The following MRPL21 variants were observed in gnomAD, a reference collection of about 807,000 sequenced individuals.
The protein encoded by MRPL21 is large ribosomal subunit protein bL21m.
Under a neutral mutation model 27.3 loss-of-function variants are expected in MRPL21, and 20 were observed. That is an observed-to-expected ratio of 0.73 (90% CI 0.52 to 1.06). The LOEUF (loss-of-function observed/expected upper bound fraction) is 1.06. MRPL21 is among the 50% of genes least tolerant of loss of function. The pLI is 0.00. For synonymous variants in MRPL21, 98 were observed against 101.5 expected, an observed-to-expected ratio of 0.97 and a Z score of 0.21; for missense variants, 249 against 251.4, an observed-to-expected ratio of 0.99 and a Z score of 0.06.
At chr11:68,903,465 C>T (rs1332136460) in intron 1 of MRPL21, among the ~76,000 whole-genome samples, 2 of 152,214 alleles carry the variant, frequency 1.3e-5, no homozygotes, top group African/African-American at 4.8e-5. Flanking sequence ...CGTTACCTAG[C>T]TCCTCTGAGC....
At chr11:68,903,572 G>C (rs539796286) in intron 1 of MRPL21, 151 bp downstream of exon 1, 1 of 758,734 alleles carries the variant, frequency 1.3e-6, no homozygotes, top group African/African-American at 1.7e-5. Flanking sequence ...ATCTGAACCT[G>C]GGTTCCCCCG....
chr11:68,896,734 G>T, intron 3 of MRPL21, 56 bp from the exon 4 acceptor site: 1 of 1,602,094 alleles, frequency 6.2e-7, no homozygotes, highest in Non-Finnish European at 8.5e-7. Context: ...CCCACGCGCT[G>T]CAGTGTGATG....
Position 68,893,199 on chromosome 11 carries a change from G to A in MRPL21, c.449+204C>T, listed in dbSNP as rs981429731. On this transcript the variant is annotated intron_variant, in intron 5 of 6. Transcript: ENST00000362034. ...GAACAAATCTTCAGAGGACCACACT[G>A]TCATGAAACAGCAAGAGACCAATAA... 5.9e-6 allele frequency: 8 copies of A among 1,363,172 alleles called. No homozygotes were observed. In the East Asian group the frequency reaches 1.8e-4, roughly 30 times the overall value. The allele number at this position is 1,363,172 out of a possible 1,614,324, so 84.4% of individuals were successfully genotyped here.
At chr11:68,897,872 C>G (rs181037804) in intron 3 of MRPL21, 55 bp downstream of exon 3, 910 of 1,381,788 alleles carry the variant, frequency 6.6e-4, no homozygotes, top group Non-Finnish European at 6.8e-4. Flanking sequence ...CTGTGGCTGA[C>G]TGGAGCAGGG....
At chr11:68,897,230 C>T (rs575451426) in intron 3 of MRPL21, among the ~76,000 whole-genome samples, 1 of 152,264 alleles carries the variant, frequency 6.6e-6, no homozygotes, top group South Asian at 2.1e-4. Flanking sequence ...CTGCTCTGAC[C>T]CAGGTCACAG....
chr11:68,893,492 A>G (rs1468732062), intron 4 of MRPL21, 37 bp from the exon 5 acceptor site: 1 of 1,613,846 alleles, frequency 6.2e-7, no homozygotes, highest in African/African-American at 1.3e-5. Context: ...TCAGTGGCTC[A>G]TTACGATGAG....
At chr11:68,902,988 G>A (rs546663640) in intron 1 of MRPL21, among the ~76,000 whole-genome samples, 1 of 152,202 alleles carries the variant, frequency 6.6e-6, no homozygotes, top group South Asian at 2.1e-4. Context: ...TTTTATTGCT[G>A]CATAATATTC....
chr11:68,894,403 C>T (rs1594403796), intron 4 of MRPL21, among the ~76,000 whole-genome samples: 1 of 152,158 alleles, frequency 6.6e-6, no homozygotes, highest in Admixed American at 6.5e-5. Context: ...GCCTCAGCCC[C>T]CTGAGTAGCT....
In MRPL21 at chr11:68,893,383, C is replaced by A. The variant is rs202206192; in HGVS notation, c.449+20G>T. ...CAGCCCTGGAGCCCCAGACAAAGCC[C>A]AGCACTTCACAGCCATTACCCGAGG... On this transcript the variant is annotated intron_variant, in intron 5 of 6. Transcript: ENST00000362034. 1 of 1,614,192 alleles carries A rather than the reference C, an allele frequency of 6.2e-7. No individual in the cohort carries two copies. The highest frequency in any genetic ancestry group is 1.3e-5 in the African/African-American group (1 of 75,054).
chr11:68,896,354 C>A, intron 4 of MRPL21, 161 bp downstream of exon 4: 4 of 900,356 alleles, frequency 4.4e-6, no homozygotes, highest in Non-Finnish European at 5.1e-6. Flanking sequence ...GACCCCAGCC[C>A]CGCCGTGGGC....
intron 1 of MRPL21, among the ~76,000 whole-genome samples, chr11:68,902,406 G>A (rs571793301): frequency 3.3e-5 from 5 of 152,312 alleles, no homozygotes; most frequent in Non-Finnish European, 7.4e-5. Flanking sequence ...TCCCTTTCCA[G>A]GTTCAACAGT....
intron 6 of MRPL21, chr11:68,891,922 C>T (rs897487323): frequency 2.8e-5 from 15 of 544,638 alleles, no homozygotes; most frequent in Non-Finnish European, 4.2e-5. Flanking sequence ...TGCCATCCCT[C>T]AGGATGCCCA....
intron 3 of MRPL21, 81 bp from the exon 4 acceptor site, chr11:68,896,759 G>T: frequency 6.4e-7 from 1 of 1,572,462 alleles, no homozygotes. Flanking sequence ...GCTCCTGGTG[G>T]TGGGGCCCTA....
chr11:68,893,148 C>T (rs1336892935), intron 5 of MRPL21, among the ~76,000 whole-genome samples, 155 bp from the exon 6 acceptor site: 2 of 152,112 alleles, frequency 1.3e-5, no homozygotes, highest in African/African-American at 2.4e-5. Context: ...CGAAAAAGGA[C>T]CACAAAGAAC....
chr11:68,896,544 C>G lies in MRPL21; in HGVS notation c.367G>C (p.Ala123Pro). 6.2e-7 allele frequency: 1 copy of G among 1,614,256 alleles called. No individual in the cohort carries two copies. Among genetic ancestry groups the G allele is most frequent in the Non-Finnish European group, 8.5e-7 (1 of 1,180,048 alleles). The stretch of plus-strand genomic sequence containing the variant: ...TCCAGTCGAATTCTCTCTCCACACG[C>G]AAGGTCTAGTTCATTTCCAATTAAG... ...LILIGNELDL[A>P]CGERIRLEKV... The change falls in exon 4 of 7, where the codon GCG (alanine) becomes CCG (proline). Residue 123 changes from alanine (A) to proline (P), a missense_variant. Physicochemically the swap from Ala to Pro is conservative, Grantham distance 27. Coordinates refer to ENST00000362034, the MANE Select transcript of MRPL21 (RefSeq NM_181514.2).
rs1193095860 is a variant in MRPL21, at chr11:68,893,320, A to G, written c.449+83T>C. On this transcript the variant is annotated intron_variant, in intron 5 of 6. Coordinates refer to ENST00000362034, the MANE Select transcript of MRPL21 (RefSeq NM_181514.2). ...ACAAAGAATATGAATGCAACTCCCC[A>G]CCTGGCCTAATTGCACTGTGACCAC... 1.9e-6 allele frequency: 3 copies of G among 1,596,788 alleles called. No individual in the cohort carries two copies. The African/African-American group carries it at 4.0e-5, about 21-fold the overall frequency.
intron 1 of MRPL21, among the ~76,000 whole-genome samples, chr11:68,900,936 GGCCCC>G (rs1455868372): frequency 6.6e-6 from 1 of 152,206 alleles, no homozygotes; most frequent in Non-Finnish European, 1.5e-5. Flanking sequence ...GGCCCTGCTG[GGCCCC>G]GCCTCCTGCT....
chr11:68,896,515 C>A lies in MRPL21; in HGVS notation c.396G>T (p.Lys132Asn), dbSNP rs1594405221. 2 of 1,613,992 alleles carry A rather than the reference C, an allele frequency of 1.2e-6. No homozygotes were observed. The highest frequency in any genetic ancestry group is 4.5e-5 in the East Asian group (2 of 44,880). Residue 132 changes from lysine (K) to asparagine (N), a missense_variant and splice_region_variant, in exon 4 of 7, where the codon AAG becomes AAT. By Grantham distance (94) the Lys-to-Asn change is moderately conservative (BLOSUM62 0). Coordinates refer to ENST00000362034, the MANE Select transcript of MRPL21 (RefSeq NM_181514.2). ...ATCCAGAGAAGCTCGGTGGTCTCAC[C>A]TTCTCCAGTCGAATTCTCTCTCCAC... The part of the protein sequence containing the change: ...LACGERIRLE[K>N]VLLVGADNFT...
chr11:68,903,099 C>T (rs1219255639), intron 1 of MRPL21, among the ~76,000 whole-genome samples: 4 of 152,136 alleles, frequency 2.6e-5, no homozygotes, highest in Admixed American at 6.5e-5. Context: ...CTTTTAATAT[C>T]GTCCAATATA....
Sources: gnomAD v4.1 joint callset for allele counts (sites outside exome capture counted in the v4.1 genomes callset) on GRCh38, gnomAD v4.1.1 for gene constraint, MANE v1.5 for transcripts, NCBI Gene and HGNC (gene_info 2026-07-23, HGNC 2026-07-21) for gene names.